Variants in SMG1 observed in about 807,000 individuals in gnomAD.
SMG1 encodes the protein serine/threonine-protein kinase SMG1.
In SMG1, 22 loss-of-function variants were observed where a neutral mutation model predicts 419.9. The ratio of observed to expected loss-of-function variants is 0.05; its 90% CI spans 0.04 to 0.07. The LOEUF (loss-of-function observed/expected upper bound fraction) is 0.07, where lower values mean the gene tolerates loss of function less well. Among genes scored for constraint, SMG1 ranks in the 10% least tolerant of loss-of-function variants. The probability of loss-of-function intolerance (pLI) is 1.00; values close to 1 mark genes in which losing one functional copy is unlikely to be tolerated. For synonymous variants in SMG1, 1,538 were observed against 1,553.5 expected (o/e 0.99, Z 0.23); for missense variants, 3,185 against 4,342.0 (o/e 0.73, Z 7.49).
At chr16:18,877,333 G>A in intron 11 of SMG1, 101 bp from the exon 12 acceptor site, 1 of 806,886 alleles carries the variant, frequency 1.2e-6, no homozygotes, top group Non-Finnish European at 1.9e-6. Flanking sequence ...CAATTGAAAA[G>A]GCTACATACT....
intron 13 of SMG1, among the ~76,000 whole-genome samples, chr16:18,873,417 T>C (rs1463898137): frequency 6.6e-6 from 1 of 152,118 alleles, no homozygotes; most frequent in Non-Finnish European, 1.5e-5. Flanking sequence ...AGATAGAGTT[T>C]CACCATGTTG....
intron 49 of SMG1, 90 bp from the exon 50 acceptor site, chr16:18,834,528 G>T: frequency 7.8e-7 from 1 of 1,286,368 alleles, no homozygotes; most frequent in Non-Finnish European, 1.1e-6. Flanking sequence ...TGTAATTCCA[G>T]CATTTTGGGA....
Position 18,835,112 on chromosome 16 carries a change from T to C in SMG1, c.8110A>G (p.Thr2704Ala). The C allele has an allele frequency of 6.2e-7, 1 of 1,613,856 alleles. No individual in the cohort carries two copies. Among genetic ancestry groups the C allele is most frequent in the Non-Finnish European group, 8.5e-7 (1 of 1,179,782 alleles). The change falls in exon 49 of 63, where the codon ACT becomes GCT. Residue 2704 changes from threonine to alanine, a missense_variant. Around this residue, in one of 27 missense-constraint regions of SMG1, gnomAD observed 412 missense variants for 546.6 expected, o/e 0.75. Coordinates refer to ENST00000446231, the MANE Select transcript of SMG1 (RefSeq NM_015092.5). Reference protein sequence around the residue: ...QPPPTVCQFITATEMTLQRYA... With the variant: ...QPPPTVCQFIAATEMTLQRYA... Reference sequence around the variant, plus strand: ...CGCTGCAGGGTCATTTCAGTGGCAGTGATGAACTGACACACTGTTGGGGGT... The same window carrying C: ...CGCTGCAGGGTCATTTCAGTGGCAGCGATGAACTGACACACTGTTGGGGGT...
intron 10 of SMG1, among the ~76,000 whole-genome samples, chr16:18,881,772 T>A (rs1229634634): frequency 1.3e-5 from 2 of 152,142 alleles, no homozygotes; most frequent in African/African-American, 2.4e-5. Flanking sequence ...TTCATATGAG[T>A]TCCATCTTAT....
intron 28 of SMG1, chr16:18,858,805 C>T (rs565636399): frequency 2.1e-5 from 9 of 437,132 alleles, no homozygotes; most frequent in Non-Finnish European, 2.8e-5. Context: ...AAGGAAAAAA[C>T]TGAGCAATTT....
chr16:18,896,866 T>C lies in SMG1; in HGVS notation c.183A>G (p.Ser61=), dbSNP rs1283395459. ...GGSSSYGLQP[S]NSAVVSRQRH... ...TTTGCCGAGACACCACAGCTGAATT[T>C]GAAGGTTGCAGTCCATAAGAGGAAG... The change falls in exon 2 of 63, where the codon TCA becomes TCG. Residue 61 remains serine, a synonymous_variant. Transcript: ENST00000446231. 2 of 1,609,440 alleles carry C rather than the reference T, an allele frequency of 1.2e-6. No homozygotes were observed. The highest frequency in any genetic ancestry group is 1.7e-5 in the Admixed American group (1 of 59,782).
At chr16:18,881,952 G>A (rs549647543) in intron 10 of SMG1, among the ~76,000 whole-genome samples, 2 of 152,148 alleles carry the variant, frequency 1.3e-5, no homozygotes, top group Admixed American at 6.5e-5. Context: ...TGGGAGGGTA[G>A]GGGAGTTGGA....
At chr16:18,853,992 A>G (rs2141413103) in intron 30 of SMG1, 125 bp from the exon 31 acceptor site, 1 of 732,570 alleles carries the variant, frequency 1.4e-6, no homozygotes, top group East Asian at 2.7e-5. Flanking sequence ...TCAAACTCCT[A>G]TGCTCAAGCA....
intron 13 of SMG1, chr16:18,875,298 C>T (rs78830518): frequency 3.9e-5 from 6 of 152,686 alleles, no homozygotes; most frequent in South Asian, 4.1e-4. Context: ...TATGAAAATA[C>T]TCCAAAATCC....
intron 23 of SMG1, among the ~76,000 whole-genome samples, chr16:18,865,693 G>A (rs987108313): frequency 9.6e-5 from 14 of 145,942 alleles, no homozygotes; most frequent in Non-Finnish European, 1.5e-4. Context: ...ACAGAGTTTC[G>A]CTCTTGTTGC....
chr16:18,873,583 T>TA (rs938353692), intron 13 of SMG1, among the ~76,000 whole-genome samples: 13 of 152,198 alleles, frequency 8.5e-5, no homozygotes, highest in Non-Finnish European at 1.5e-5. Flanking sequence ...GTGAATATAC[T>TA]AAAAATCAGT....
chr16:18,888,820 CTTT>C (rs71141087), intron 6 of SMG1, among the ~76,000 whole-genome samples: 3 of 112,008 alleles, frequency 2.7e-5, no homozygotes, highest in Admixed American at 2.1e-4. Flanking sequence ...CAACATGTAT[CTTT>C]TTTTTTTTTT....
At chr16:18,921,243 C>T (rs1407273740) in intron 1 of SMG1, among the ~76,000 whole-genome samples, 4 of 151,542 alleles carry the variant, frequency 2.6e-5, no homozygotes, top group African/African-American at 4.9e-5. Context: ...CCCAGCTACT[C>T]AGGAGGCTAA....
intron 11 of SMG1, chr16:18,878,606 C>CA (rs35169039): frequency 0.033 from 3,214 of 98,540 alleles, 68 homozygotes; most frequent in Middle Eastern, 0.049. Flanking sequence ...GATCCTGTGA[C>CA]AAAAAAAAAA....
intron 30 of SMG1, 117 bp from the exon 31 acceptor site, chr16:18,853,984 AAACTCCTATGCTCAAGC>A (rs528140403): frequency 0.053 from 50,144 of 943,402 alleles, 1,536 homozygotes; most frequent in Non-Finnish European, 0.066. Context: ...TGATGGTTTC[AAACTCCTATGCTCAAGC>A]ATAGGAGGCT....
At chr16:18,813,240 A>G (rs1030145216) in intron 60 of SMG1, among the ~76,000 whole-genome samples, 30 of 152,300 alleles carry the variant, frequency 2.0e-4, no homozygotes, top group South Asian at 4.1e-4. Flanking sequence ...CTGAGGAATC[A>G]CCACACTGAC....
chr16:18,918,456 C>T (rs1315949773), intron 1 of SMG1, among the ~76,000 whole-genome samples: 21 of 152,158 alleles, frequency 1.4e-4, no homozygotes, highest in Non-Finnish European at 3.1e-4. Context: ...GGGGGGGATT[C>T]TCCCCCAAAT....
chr16:18,919,736 G>A (rs560769539), intron 1 of SMG1, among the ~76,000 whole-genome samples: 11 of 149,538 alleles, frequency 7.4e-5, no homozygotes, highest in African/African-American at 2.7e-4. Flanking sequence ...CTGAATTAGA[G>A]TATTTCATTA....
rs750856341 is a variant in SMG1 at position 18,838,544 on chromosome 16, A to G, written c.7084+7T>C. The G allele has an allele frequency of 9.3e-6, 15 of 1,613,846 alleles. No individual in the cohort carries two copies. Among genetic ancestry groups the G allele is most frequent in the South Asian group, 3.3e-5 (3 of 91,084 alleles). ...CCTCATAAATGTAAAGTCTACTTTT[A>G]TATTACCTTTTTCAAAGCAAACATT... On this transcript the variant is annotated splice_region_variant and intron_variant, in intron 43 of 62. Transcript: ENST00000446231.
Sources: gnomAD v4.1 joint callset for allele counts (sites outside exome capture counted in the v4.1 genomes callset) on GRCh38, gnomAD v4.1.1 for gene constraint, gnomAD v4.1.1 regional missense constraint, MANE v1.5 for transcripts, NCBI Gene and HGNC (gene_info 2026-07-23, HGNC 2026-07-21) for gene names.